Variants in CD6 observed in about 807,000 individuals in gnomAD.
CD6 encodes the protein CD6 molecule, also known as T-cell differentiation antigen CD6.
Under a neutral mutation model 75.3 loss-of-function variants are expected in CD6, and 53 were observed. The observed-to-expected ratio is 0.70, with a 90% confidence interval of 0.56 to 0.88. CD6 has a LOEUF of 0.88. CD6 is among the 40% of genes least tolerant of loss of function. The probability of loss-of-function intolerance (pLI) is 0.00; values close to 1 mark genes in which losing one functional copy is unlikely to be tolerated. For synonymous variants in CD6, 359 were observed against 381.5 expected (o/e 0.94, Z 0.69); for missense variants, 770 against 897.1 (o/e 0.86, Z 1.81).
At chr11:61,006,851 A>G (rs1403520139) in intron 2 of CD6, among the ~76,000 whole-genome samples, 3 of 152,154 alleles carry the variant, frequency 2.0e-5, no homozygotes, top group Non-Finnish European at 4.4e-5. Flanking sequence ...GATAAGTCAC[A>G]TACAGGTGGG....
At chr11:60,972,359 C>T (rs1339999011) in intron 1 of CD6, among the ~76,000 whole-genome samples, 7 of 152,160 alleles carry the variant, frequency 4.6e-5, no homozygotes, top group African/African-American at 1.2e-4. Context: ...AGGAGAGCAC[C>T]TCCCGAAACA....
chr11:61,008,165 GCTAACCCGGT>G (rs1858963007), intron 3 of CD6, among the ~76,000 whole-genome samples: 1 of 152,054 alleles, frequency 6.6e-6, no homozygotes, highest in Non-Finnish European at 1.5e-5. Flanking sequence ...GGTTCCCAAA[GCTAACCCGGT>G]CTCTAACCCC....
chr11:61,001,550 T>C (rs1858587915), intron 1 of CD6, among the ~76,000 whole-genome samples: 1 of 152,216 alleles, frequency 6.6e-6, no homozygotes, highest in African/African-American at 2.4e-5. Context: ...TTAGTATGCT[T>C]GTTTTTACAA....
At chr11:61,010,099 C>T (rs968380069) in intron 5 of CD6, among the ~76,000 whole-genome samples, 4 of 152,318 alleles carry the variant, frequency 2.6e-5, no homozygotes, top group African/African-American at 9.6e-5. Flanking sequence ...TATATGAAGA[C>T]ATTATATGCT....
intron 1 of CD6, among the ~76,000 whole-genome samples, chr11:60,978,402 G>A (rs959014711): frequency 3.9e-5 from 6 of 152,102 alleles, no homozygotes; most frequent in Non-Finnish European, 5.9e-5. Context: ...CCTTGATTCC[G>A]CTCTGGGAAT....
At position 61,008,582 on chromosome 11, in the gene CD6, G is replaced by C; in HGVS notation, c.518G>C (p.Arg173Pro). The change falls in exon 4 of 13, where the codon CGC (arginine) becomes CCC (proline). Residue 173 changes from arginine to proline, a missense_variant. Physicochemically the swap from Arg to Pro is moderately radical, Grantham distance 103 (BLOSUM62 -2). Coordinates refer to ENST00000313421, the MANE Select transcript of CD6 (RefSeq NM_006725.5). Reference protein sequence around the residue: ...LVDGGGACAGRVEMLEHGEWG... With the variant: ...LVDGGGACAGPVEMLEHGEWG... ...GACGGTGGCGGCGCCTGCGCCGGCC[G>C]CGTGGAGATGCTGGAGCATGGCGAG... The C allele has an allele frequency of 6.2e-7, 1 of 1,607,606 alleles. No individual in the cohort carries two copies. Among genetic ancestry groups the C allele is most frequent in the South Asian group, 1.1e-5 (1 of 90,070 alleles).
intron 8 of CD6, 21 bp downstream of exon 8, chr11:61,014,035 G>T (rs781285558): frequency 6.4e-7 from 1 of 1,569,796 alleles, no homozygotes; most frequent in South Asian, 1.1e-5. Flanking sequence ...CCCCATCCTG[G>T]GTGTGGGAGG....
chr11:61,020,010 G>T lies in CD6; in HGVS notation c.*692G>T. ...CAGAGACACTCCAAGTCCGCCAGGG[G>T]CACAGACCAGTTCTGCAGTGACTGT... On this transcript the variant is annotated 3_prime_UTR_variant, in exon 13 of 13. Coordinates refer to ENST00000313421, the MANE Select transcript of CD6 (RefSeq NM_006725.5). The T allele has an allele frequency of 2.5e-6, 1 of 397,166 alleles. No individual in the cohort carries two copies. The highest frequency in any genetic ancestry group is 4.4e-6 in the Non-Finnish European group (1 of 225,730). 24.6% of individuals were successfully genotyped at this position (397,166 alleles called of 1,614,324 possible).
chr11:61,015,627 C>T (rs1167111773), intron 8 of CD6, 86 bp from the exon 9 acceptor site: 2 of 1,511,582 alleles, frequency 1.3e-6, no homozygotes, highest in African/African-American at 1.4e-5. Context: ...CTCTGCCTCT[C>T]ACCTCTGCCG....
chr11:61,001,902 A>T (rs993670217), intron 1 of CD6, among the ~76,000 whole-genome samples: 7 of 152,210 alleles, frequency 4.6e-5, no homozygotes. Context: ...TGCACAGTCC[A>T]CCAGCCTGTG....
chr11:61,007,802 C>G lies in CD6; in HGVS notation c.361C>G (p.Leu121Val), dbSNP rs1024399865. 4 of 1,474,382 alleles carry G rather than the reference C, an allele frequency of 2.7e-6. No homozygotes were observed. The highest frequency in any genetic ancestry group is 2.4e-5 in the Admixed American group (1 of 41,946). 91.3% of individuals were successfully genotyped at this position (1,474,382 alleles called of 1,614,324 possible). The stretch of plus-strand genomic sequence containing the variant: ...CACCAGCGTAGCAGCTAATGCCACT[C>G]TGGCCGGGGCGCCCGCCCTCCTGTG... ...GNTSVAANATLAGAPALLCSG... is the reference protein window; with the variant it reads ...GNTSVAANATVAGAPALLCSG... The change falls in exon 3 of 13, where the codon CTG becomes GTG. Residue 121 changes from leucine (L) to valine (V), a missense_variant. Leu to Val is a conservative substitution (Grantham distance 32). Transcript: ENST00000313421. The surrounding 1 kb of genome is among the most constrained non-coding windows in gnomAD (Gnocchi z 4.2).
intron 1 of CD6, chr11:60,982,562 C>G (rs974269980): frequency 5.5e-5 from 25 of 455,914 alleles, no homozygotes; most frequent in South Asian, 3.9e-4. Context: ...GGAGGAGGCC[C>G]GTTCCCCACT....
intron 1 of CD6, among the ~76,000 whole-genome samples, chr11:60,991,339 G>A (rs1163975730): frequency 6.6e-6 from 1 of 151,556 alleles, no homozygotes; most frequent in Non-Finnish European, 1.5e-5. Flanking sequence ...TTTTAGTAGA[G>A]ACAGGGCTTC....
intron 1 of CD6, among the ~76,000 whole-genome samples, chr11:60,996,105 A>G (rs950441929): frequency 6.6e-6 from 1 of 151,948 alleles, no homozygotes; most frequent in East Asian, 1.9e-4. Flanking sequence ...CAGCTTGGCC[A>G]TTTTCTAGCC....
chr11:60,986,188 A>G (rs1247786745), intron 1 of CD6, among the ~76,000 whole-genome samples: 1 of 152,244 alleles, frequency 6.6e-6, no homozygotes, highest in African/African-American at 2.4e-5. Context: ...AAACGTTATA[A>G]CAACCACATT....
chr11:61,008,428 AC>A, intron 3 of CD6, 105 bp from the exon 4 acceptor site: 1 of 1,115,994 alleles, frequency 9.0e-7, no homozygotes, highest in Non-Finnish European at 1.3e-6. Flanking sequence ...CAGCCCTCTC[AC>A]TGGGTCCACA....
intron 1 of CD6, chr11:61,004,555 G>A (rs1858757536): frequency 6.6e-6 from 1 of 152,286 alleles, no homozygotes; most frequent in Non-Finnish European, 1.5e-5. Flanking sequence ...CGGTTTCCTG[G>A]AGAGGGCTGT....
Position 61,013,528 on chromosome 11 carries a change from T to C in CD6, c.1256T>C (p.Ile419Thr), listed in dbSNP as rs757525003. The C allele has an allele frequency of 2.5e-6, 4 of 1,614,044 alleles. No homozygotes were observed. In the Admixed American group the frequency reaches 6.7e-5, roughly 27 times the overall value. Reference sequence around the variant, plus strand: ...CTCCTCCTTGGCTCCCTCATCTTCATAGCCTTCATCCTCTTGAGAATTAAA... The same window carrying C: ...CTCCTCCTTGGCTCCCTCATCTTCACAGCCTTCATCCTCTTGAGAATTAAA... ...GILLLGSLIF[I>T]AFILLRIKGK... The change falls in exon 7 of 13, where the codon ATA becomes ACA. Residue 419 changes from isoleucine (I) to threonine (T), a missense_variant. Coordinates refer to ENST00000313421, the MANE Select transcript of CD6 (RefSeq NM_006725.5).
intron 1 of CD6, among the ~76,000 whole-genome samples, chr11:60,989,598 G>T (rs767647546): frequency 6.6e-6 from 1 of 152,152 alleles, no homozygotes; most frequent in African/African-American, 2.4e-5. Context: ...TACTTTCCAC[G>T]GCAGAGCGCA....
Sources: allele counts gnomAD v4.1 joint callset (sites outside exome capture counted in the v4.1 genomes callset), GRCh38; gene constraint gnomAD v4.1.1; non-coding constraint Gnocchi (gnomAD v3.1); transcripts MANE v1.5; gene names NCBI Gene and HGNC (gene_info 2026-07-23, HGNC 2026-07-21).